Variants in OTOGL observed in about 807,000 individuals in gnomAD.
OTOGL encodes otogelin like, also known as otogelin-like protein.
OTOGL carries 285 observed loss-of-function variants against 318.5 expected under a neutral mutation model. The observed-to-expected ratio is 0.89, with a 90% CI of 0.81 to 0.99. The LOEUF (loss-of-function observed/expected upper bound fraction) is 0.99, where lower values mean the gene tolerates loss of function less well. Ranked by LOEUF, OTOGL falls within the 50% of genes least tolerant of loss-of-function variation. The probability of loss-of-function intolerance (pLI) is 0.00; values close to 1 mark genes in which losing one functional copy is unlikely to be tolerated. For synonymous variants in OTOGL, 987 were observed against 936.5 expected (o/e 1.05, Z -0.99); for missense variants, 2,899 against 2,845.6 (o/e 1.02, Z -0.43).
At chr12:80,136,702 G>T (rs1592483730) in intron 1 of OTOGL, among the ~76,000 whole-genome samples, 2 of 152,092 alleles carry the variant, frequency 1.3e-5, no homozygotes, top group South Asian at 2.1e-4. Context: ...TCCTACCAGG[G>T]AGGGCTTTCC....
intron 22 of OTOGL, 117 bp from the exon 23 acceptor site, chr12:80,269,985 T>C (rs1883279151): frequency 1.2e-6 from 1 of 846,398 alleles, no homozygotes; most frequent in Admixed American, 2.9e-5. Flanking sequence ...GTGGGAAAAA[T>C]AACATTTGTA....
intron 35 of OTOGL, among the ~76,000 whole-genome samples, chr12:80,325,819 T>C (rs557258143): frequency 6.6e-6 from 1 of 152,228 alleles, no homozygotes; most frequent in South Asian, 2.1e-4. Context: ...GGCAGGGCAC[T>C]GGGGAGGACA....
Position 80,356,852 on chromosome 12 carries a change from GAGA to G in OTOGL, c.5961_5963del (p.Glu1987del). ...CCCAGTATTTCAACACCAGAATGCA[GAGA>G]AGATCAATTCATGATTCAAGTTCGA... On this transcript the variant is annotated inframe_deletion, in exon 49 of 59. Transcript: ENST00000547103. 3 of 1,600,044 alleles carry G rather than the reference GAGA, an allele frequency of 1.9e-6. No homozygotes were observed. The highest frequency in any genetic ancestry group is 1.1e-5 in the South Asian group (1 of 88,924).
chr12:80,229,336 A>C lies in OTOGL; in HGVS notation c.569A>C (p.Glu190Ala), dbSNP rs1879159510. 6.3e-7 allele frequency: 1 copy of C among 1,596,364 alleles called. No homozygotes were observed. The highest frequency in any genetic ancestry group is 8.5e-7 in the Non-Finnish European group (1 of 1,177,048). Residue 190 changes from glutamate (E) to alanine (A), a missense_variant, in exon 8 of 59, where the codon GAA (glutamate) becomes GCA (alanine). By Grantham distance (107) the Glu-to-Ala change is moderately radical. Transcript: ENST00000547103. ...SISLFFSNQE[E>A]IRIYGHEIKK... is the part of the protein sequence containing the mutation. ...AGCTTGTTCTTTTCAAACCAAGAGGAAATTCGAATTTATGGTCATGAAATA... is the reference window on the plus strand; with the variant it reads ...AGCTTGTTCTTTTCAAACCAAGAGGCAATTCGAATTTATGGTCATGAAATA...
intron 7 of OTOGL, among the ~76,000 whole-genome samples, chr12:80,228,026 C>T (rs1454337147): frequency 6.6e-6 from 1 of 152,148 alleles, no homozygotes; most frequent in Non-Finnish European, 1.5e-5. Context: ...ATAGTTTTGT[C>T]CGCTCTGTTG....
At chr12:80,141,450 G>C (rs1592487936) in intron 1 of OTOGL, among the ~76,000 whole-genome samples, 2 of 152,136 alleles carry the variant, frequency 1.3e-5, no homozygotes, top group East Asian at 3.8e-4. Context: ...TTGGTGCCTG[G>C]TGTCCAGGAG....
chr12:80,270,217 G>A, intron 23 of OTOGL, 63 bp downstream of exon 23: 1 of 1,363,108 alleles, frequency 7.3e-7, no homozygotes, highest in Non-Finnish European at 1.0e-6. Context: ...TCCACTCCTG[G>A]CAGAAGTCAT....
intron 1 of OTOGL, among the ~76,000 whole-genome samples, chr12:80,171,509 A>AT (rs1454122488): frequency 1.3e-5 from 2 of 152,068 alleles, no homozygotes; most frequent in African/African-American, 2.4e-5. Context: ...ATTCTTTTTG[A>AT]TTTTTTATTT....
At position 80,308,453 on chromosome 12, in the gene OTOGL, G is replaced by A. The variant is rs560037504; in HGVS notation, c.3334-2158G>A. ...TCCTCACTTCCCAGATGTGATGGCG[G>A]CCGGGAAGAGACGCTCCTCACTTTC... On this transcript the variant is annotated intron_variant, in intron 29 of 58. Coordinates refer to ENST00000547103, the MANE Select transcript of OTOGL (RefSeq NM_001378609.3). 1.1e-4 allele frequency among the ~76,000 whole-genome samples: 16 copies of A among 151,994 alleles called. No homozygotes were observed. In the South Asian group the frequency reaches 3.1e-3, roughly 30 times the overall value.
chr12:80,156,807 G>A (rs1471999799), intron 1 of OTOGL, among the ~76,000 whole-genome samples: 1 of 152,076 alleles, frequency 6.6e-6, no homozygotes, highest in South Asian at 2.1e-4. Flanking sequence ...CCCAGTCTTG[G>A]GTATGTCTTT....
intron 1 of OTOGL, among the ~76,000 whole-genome samples, chr12:80,154,494 A>T (rs1423305317): frequency 2.0e-5 from 3 of 152,084 alleles, no homozygotes; most frequent in Non-Finnish European, 1.5e-5. Flanking sequence ...CTTTACTTCC[A>T]TGTTCGTCCT....
chr12:80,336,787 T>A lies in OTOGL; in HGVS notation c.4744-10T>A. 2 of 1,514,968 alleles carry A rather than the reference T, an allele frequency of 1.3e-6. No individual in the cohort carries two copies. Among genetic ancestry groups the A allele is most frequent in the Non-Finnish European group, 1.8e-6 (2 of 1,119,484 alleles). The allele number at this position is 1,514,968 out of a possible 1,614,324, so 93.8% of individuals were successfully genotyped here. A position where few individuals can be genotyped will look rare whatever the true frequency, so the allele number is the denominator to read the frequency against. On this transcript the variant is annotated splice_polypyrimidine_tract_variant and intron_variant, in intron 40 of 58. Transcript: ENST00000547103. ...AATGCATTTAAAAGTATTTCTTTTT[T>A]TTTTTCCAGAATGGAAACTCCTTAA...
chr12:80,224,969 G>A (rs895166405), intron 7 of OTOGL, among the ~76,000 whole-genome samples: 4 of 151,806 alleles, frequency 2.6e-5, no homozygotes, highest in Non-Finnish European at 5.9e-5. Context: ...ATGTGATTAT[G>A]TAACATTGCA....
At chr12:80,312,933 T>C (rs950922953) in intron 30 of OTOGL, among the ~76,000 whole-genome samples, 2 of 152,188 alleles carry the variant, frequency 1.3e-5, no homozygotes, top group East Asian at 1.9e-4. Context: ...TGCCTCAGCC[T>C]CTTGAGTCCC....
intron 11 of OTOGL, among the ~76,000 whole-genome samples, chr12:80,241,713 A>G (rs1880395384): frequency 6.6e-6 from 1 of 152,156 alleles, no homozygotes. Flanking sequence ...AGCCGCTTCA[A>G]CAGCTAAAAT....
At chr12:80,259,891 A>G (rs1440537614) in intron 18 of OTOGL, among the ~76,000 whole-genome samples, 2 of 152,020 alleles carry the variant, frequency 1.3e-5, no homozygotes, top group African/African-American at 4.8e-5. Flanking sequence ...CCTGCTCCTC[A>G]TCTTTCTTGT....
chr12:80,227,872 C>A (rs1264637136), intron 7 of OTOGL, among the ~76,000 whole-genome samples: 2 of 152,142 alleles, frequency 1.3e-5, no homozygotes, highest in Non-Finnish European at 2.9e-5. Context: ...AAATTGCCCC[C>A]AGACCTTGAC....
intron 46 of OTOGL, 104 bp from the exon 47 acceptor site, chr12:80,355,632 C>A: frequency 2.4e-6 from 2 of 817,250 alleles, no homozygotes; most frequent in African/African-American, 1.7e-5. Flanking sequence ...TGTGACACAT[C>A]ATTATGTCAC....
chr12:80,218,635 G>A (rs1385298152), intron 5 of OTOGL, among the ~76,000 whole-genome samples: 7 of 152,008 alleles, frequency 4.6e-5, no homozygotes, highest in African/African-American at 1.7e-4. Flanking sequence ...ATTAGGGTTA[G>A]AGCTCACAGT....
Sources: allele counts gnomAD v4.1 joint callset (sites outside exome capture counted in the v4.1 genomes callset), GRCh38; gene constraint gnomAD v4.1.1; transcripts MANE v1.5; gene names NCBI Gene and HGNC (gene_info 2026-07-23, HGNC 2026-07-21).